ATP6V0A4: variants seen among roughly 807,000 people sequenced by gnomAD.
The protein encoded by ATP6V0A4 is ATPase H+ transporting V0 subunit a4.
ATP6V0A4 carries 86 observed loss-of-function variants against 107.3 expected under a neutral mutation model. The observed-to-expected ratio is 0.80, with a 90% CI of 0.67 to 0.96. ATP6V0A4 has a LOEUF of 0.96. Among genes scored for constraint, ATP6V0A4 ranks in the 40% least tolerant of loss-of-function variants. The pLI, the probability that ATP6V0A4 is intolerant of heterozygous loss-of-function variation, is 0.00. For synonymous variants in ATP6V0A4, 353 were observed against 381.4 expected (o/e 0.93, Z 0.87); for missense variants, 908 against 1,045.6 (o/e 0.87, Z 1.81).
chr7:138,771,016 G>C lies in ATP6V0A4; in HGVS notation c.117+115C>G, dbSNP rs951718220. On this transcript the variant is annotated intron_variant, in intron 3 of 21. Coordinates refer to ENST00000310018, the MANE Select transcript of ATP6V0A4 (RefSeq NM_020632.3). ...AAACTACAGAATTTCATCGATTCCA[G>C]CTCACGGCTCCTCTCCCTACAAAAT... 17 of 1,075,688 alleles carry C rather than the reference G, an allele frequency of 1.6e-5. No individual in the cohort carries two copies. The East Asian group carries it at 4.0e-4, about 26-fold the overall frequency. 66.6% of individuals were successfully genotyped at this position (1,075,688 alleles called of 1,614,324 possible).
chr7:138,762,358 T>A lies in ATP6V0A4; in HGVS notation c.494A>T (p.Tyr165Phe). ...CACTAACCCCAACTTTCCGGTCATA[T>A]ATGCAGGCACTGCTTTCAACTCCAG... ...GLLELKAVPA[Y>F]MTGKLGFIAG... The change falls in exon 7 of 22, where the codon TAT (tyrosine) becomes TTT (phenylalanine). Residue 165 changes from tyrosine to phenylalanine, a missense_variant. Tyr to Phe is a conservative substitution (Grantham distance 22). Transcript: ENST00000310018. 1 of 1,614,168 alleles carries A rather than the reference T, an allele frequency of 6.2e-7. No individual in the cohort carries two copies.
chr7:138,764,469 G>A (rs1356550494), intron 5 of ATP6V0A4, among the ~76,000 whole-genome samples: 1 of 151,974 alleles, frequency 6.6e-6, no homozygotes, highest in Non-Finnish European at 1.5e-5. Context: ...AGGCTATCAG[G>A]GAAAAAAAGG....
chr7:138,769,070 A>G (rs1807235311), intron 4 of ATP6V0A4, 103 bp downstream of exon 4: 2 of 1,589,914 alleles, frequency 1.3e-6, no homozygotes, highest in Non-Finnish European at 8.5e-7. Context: ...CTCAAAAAGT[A>G]TTGCAAATAG....
rs1398452472 is a variant in ATP6V0A4 at position 138,730,311 on chromosome 7, T to C, written c.1909-1449A>G. ...TGTCCATTTTTATGCAACAGGATTT[T>C]CCCCCGATGACGTACAAAGCAACGG... On this transcript the variant is annotated intron_variant, in intron 17 of 21. Coordinates refer to ENST00000310018, the MANE Select transcript of ATP6V0A4 (RefSeq NM_020632.3). 2.0e-5 allele frequency among the ~76,000 whole-genome samples: 3 copies of C among 151,496 alleles called. No individual in the cohort carries two copies. In the East Asian group the frequency reaches 5.8e-4, roughly 30 times the overall value.
intron 15 of ATP6V0A4, 58 bp from the exon 16 acceptor site, chr7:138,734,312 A>C: frequency 6.2e-7 from 1 of 1,607,228 alleles, no homozygotes. Flanking sequence ...GTTCTACTGG[A>C]GTTGAGGGCT....
intron 16 of ATP6V0A4, 132 bp from the exon 17 acceptor site, chr7:138,733,225 A>G: frequency 2.1e-6 from 3 of 1,422,632 alleles, no homozygotes; most frequent in South Asian, 1.3e-5. Context: ...AAACAACGGC[A>G]CCCCCCACCC....
chr7:138,708,251 C>T (rs568596045), intron 21 of ATP6V0A4, among the ~76,000 whole-genome samples: 1 of 151,916 alleles, frequency 6.6e-6, no homozygotes, highest in East Asian at 2.0e-4. Context: ...GGTTTCTCCA[C>T]GTCGATCAGG....
chr7:138,797,887 G>A, intron 1 of ATP6V0A4, 147 bp downstream of exon 1: 1 of 1,171,494 alleles, frequency 8.5e-7, no homozygotes, highest in Non-Finnish European at 1.2e-6. Context: ...TCAGCCAACG[G>A]TTTGGCTTCC....
chr7:138,715,851 C>T lies in ATP6V0A4; in HGVS notation c.2170G>A (p.Ala724Thr), dbSNP rs374563625. Residue 724 changes from alanine to threonine, a missense_variant, in exon 20 of 22, where the codon GCC (alanine) becomes ACC (threonine). Ala to Thr is a moderately conservative substitution (Grantham distance 58, BLOSUM62 0). Transcript: ENST00000310018. ...FNFGDVFVHQ[A>T]IHTIEYCLGC... ...AGGCAGTACTCGATGGTGTGGATGG[C>T]TTGGTGGACAAAGACGTCTCCAAAG... 28 of 1,613,542 alleles carry T rather than the reference C, an allele frequency of 1.7e-5. No homozygotes were observed. Among genetic ancestry groups the T allele is most frequent in the Admixed American group, 1.5e-4 (9 of 59,990 alleles).
intron 13 of ATP6V0A4, 148 bp downstream of exon 13, chr7:138,747,277 G>T: frequency 9.5e-7 from 1 of 1,047,720 alleles, no homozygotes; most frequent in Non-Finnish European, 1.4e-6. Flanking sequence ...ATTACCTTTG[G>T]CCAGAAGTTT....
intron 11 of ATP6V0A4, 63 bp from the exon 12 acceptor site, chr7:138,749,380 C>T: frequency 6.3e-7 from 1 of 1,583,872 alleles, no homozygotes; most frequent in Non-Finnish European, 8.6e-7. Flanking sequence ...GGTGTCAGCA[C>T]AAAGGTCACA....
At chr7:138,713,477 A>G (rs1803858294) in intron 20 of ATP6V0A4, among the ~76,000 whole-genome samples, 1 of 152,154 alleles carries the variant, frequency 6.6e-6, no homozygotes, top group East Asian at 1.9e-4. Context: ...TTCAGCACAC[A>G]CCTTGGCCTG....
chr7:138,708,020 TA>T (rs1312534293), intron 21 of ATP6V0A4, among the ~76,000 whole-genome samples: 16 of 102,038 alleles, frequency 1.6e-4, no homozygotes, highest in African/African-American at 7.4e-4. Context: ...TGTTTTATTT[TA>T]TTTATTTATT....
At chr7:138,759,612 GAAGGAAAAA>G in intron 8 of ATP6V0A4, 131 bp downstream of exon 8, 1 of 934,718 alleles carries the variant, frequency 1.1e-6, no homozygotes. Context: ...AAGTAAAAGG[GAAGGAAAAA>G]AAGGAGAAAA....
At chr7:138,736,561 G>T (rs1805330920) in intron 15 of ATP6V0A4, among the ~76,000 whole-genome samples, 1 of 151,814 alleles carries the variant, frequency 6.6e-6, no homozygotes, top group Non-Finnish European at 1.5e-5. Context: ...TAGGGCTGCT[G>T]TTTTTTTTAT....
intron 18 of ATP6V0A4, among the ~76,000 whole-genome samples, chr7:138,722,267 G>A (rs773085815): frequency 1.3e-5 from 2 of 152,222 alleles, no homozygotes; most frequent in Non-Finnish European, 2.9e-5. Flanking sequence ...GGCACAGCTT[G>A]TAGTGAGCGG....
At chr7:138,740,099 A>AG (rs1805547248) in intron 14 of ATP6V0A4, among the ~76,000 whole-genome samples, 2 of 29,122 alleles carry the variant, frequency 6.9e-5, no homozygotes, top group Non-Finnish European at 1.5e-4. Context: ...TGTTGAAAGG[A>AG]AAAAAAAAAA....
At chr7:138,776,170 C>T (rs983781451) in intron 2 of ATP6V0A4, among the ~76,000 whole-genome samples, 4 of 152,104 alleles carry the variant, frequency 2.6e-5, no homozygotes, top group Admixed American at 6.5e-5. Flanking sequence ...CAAATTAGAA[C>T]GATTGTTTAG....
chr7:138,749,880 T>C (rs1050577607), intron 11 of ATP6V0A4, among the ~76,000 whole-genome samples: 1 of 152,176 alleles, frequency 6.6e-6, no homozygotes, highest in Non-Finnish European at 1.5e-5. Flanking sequence ...AGTCAGTCGA[T>C]CACCCAGCAA....
Sources: allele counts gnomAD v4.1 joint callset (sites outside exome capture counted in the v4.1 genomes callset), GRCh38; gene constraint gnomAD v4.1.1; transcripts MANE v1.5; gene names NCBI Gene and HGNC (gene_info 2026-07-23, HGNC 2026-07-21).